Variants in SDR42E1 observed in about 807,000 individuals in gnomAD.
The protein encoded by SDR42E1 is short-chain dehydrogenase/reductase family 42E member 1.
Under a neutral mutation model 2.6 loss-of-function variants are expected in SDR42E1, and 5 were observed. The observed-to-expected ratio is 1.94, with a 90% CI of 1.01 to 4.08. The LOEUF (loss-of-function observed/expected upper bound fraction) is 4.08. Among genes scored for constraint, SDR42E1 ranks in the 30% most tolerant of loss-of-function variants. The pLI, the probability that SDR42E1 is intolerant of heterozygous loss-of-function variation, is 0.00. For missense variants in SDR42E1, 596 were observed against 478.6 expected (o/e 1.25, Z -2.29); for synonymous variants, 231 against 188.3 (o/e 1.23, Z -1.86).
rs1394922835 is a variant in SDR42E1 at position 81,999,999 on chromosome 16, G to T, written c.294C>A (p.Val98=). ...EQLNRNLIKE[V]NVRGTDNILQ... Reference sequence around the variant, plus strand: ...GGATGTTGTCTGTGCCCCTGACGTTGACTTCTTTGATCAGGTTTCGATTGA... The same window carrying T: ...GGATGTTGTCTGTGCCCCTGACGTTTACTTCTTTGATCAGGTTTCGATTGA... Residue 98 remains valine, a synonymous_variant, in exon 3 of 3, where the codon GTC becomes GTA. Transcript: ENST00000328945. 1 of 1,614,058 alleles carries T rather than the reference G, an allele frequency of 6.2e-7. No homozygotes were observed. Among genetic ancestry groups the T allele is most frequent in the Admixed American group, 1.7e-5 (1 of 59,998 alleles).
Position 81,992,013 on chromosome 16 carries a change from G to C in SDR42E1, c.*7098C>G, listed in dbSNP as rs559799607. The stretch of plus-strand genomic sequence containing the variant: ...ACCGCTAATTAAACAAAAATTAGCC[G>C]GTTGTGGTGGTGGGCGCCTGTAATC... On this transcript the variant is annotated 3_prime_UTR_variant, in exon 3 of 3. Transcript: ENST00000328945. 1.3e-5 allele frequency: 2 copies of C among 152,098 alleles called. No individual in the cohort carries two copies. Among genetic ancestry groups the C allele is most frequent in the African/African-American group, 2.4e-5 (1 of 41,396 alleles). The allele number at this position is 152,098 out of a possible 1,614,324, so 9.4% of individuals were successfully genotyped here. A position where few individuals can be genotyped will look rare whatever the true frequency, so the allele number is the denominator to read the frequency against.
rs1912693178 is a variant in SDR42E1 at position 81,999,959 on chromosome 16, T to A, written c.334A>T (p.Arg112Trp). ...GTDNILQVCQ[R>W]RRVPRLVYTS... The stretch of plus-strand genomic sequence containing the variant: ...TAAACTAACCTGGGCACCCTTCTCC[T>A]TTGGCAAACCTGGAGGATGTTGTCT... The change falls in exon 3 of 3, where the codon AGG (arginine) becomes TGG (tryptophan). Residue 112 changes from arginine to tryptophan, a missense_variant. By Grantham distance (101) the Arg-to-Trp change is moderately radical. Coordinates refer to ENST00000328945, the MANE Select transcript of SDR42E1 (RefSeq NM_145168.3). The A allele has an allele frequency of 6.2e-7, 1 of 1,614,110 alleles. No individual in the cohort carries two copies. Among genetic ancestry groups the A allele is most frequent in the Admixed American group, 1.7e-5 (1 of 60,002 alleles).
Position 81,989,600 on chromosome 16 carries a change from G to C in SDR42E1, c.*9511C>G, listed in dbSNP as rs1318109545. On this transcript the variant is annotated 3_prime_UTR_variant, in exon 3 of 3. Transcript: ENST00000328945. The stretch of plus-strand genomic sequence containing the variant: ...GGGTGTTTATAGACATCAAAATTTA[G>C]AGCAGAGAGGCATAGATGCCTACTT... 1 of 152,170 alleles carries C rather than the reference G, an allele frequency of 6.6e-6. No individual in the cohort carries two copies. The highest frequency in any genetic ancestry group is 2.4e-5 in the African/African-American group (1 of 41,428). The allele number at this position is 152,170 out of a possible 1,614,324, so 9.4% of individuals were successfully genotyped here.
intron 1 of SDR42E1, among the ~76,000 whole-genome samples, chr16:82,004,421 A>G (rs930159037): frequency 2.0e-5 from 3 of 152,198 alleles, no homozygotes; most frequent in Non-Finnish European, 1.5e-5. Flanking sequence ...TGAAGCATGG[A>G]GCTGATGCTT....
In SDR42E1 at chr16:81,999,943, C is replaced by T. The variant is rs1264379303; in HGVS notation, c.350G>A (p.Arg117Lys). The T allele has an allele frequency of 3.7e-6, 6 of 1,614,086 alleles. No individual in the cohort carries two copies. The highest frequency in any genetic ancestry group is 4.2e-6 in the Non-Finnish European group (5 of 1,180,040). Reference sequence around the variant, plus strand: ...ATTGAAAGTGCTGGTGTAAACTAACCTGGGCACCCTTCTCCTTTGGCAAAC... The same window carrying T: ...ATTGAAAGTGCTGGTGTAAACTAACTTGGGCACCCTTCTCCTTTGGCAAAC... ...LQVCQRRRVPRLVYTSTFNVI... is the reference protein window; with the variant it reads ...LQVCQRRRVPKLVYTSTFNVI... Residue 117 changes from arginine (R) to lysine (K), a missense_variant, in exon 3 of 3, where the codon AGG (arginine) becomes AAG (lysine). Physicochemically the swap from Arg to Lys is conservative, Grantham distance 26 (BLOSUM62 2). Coordinates refer to ENST00000328945, the MANE Select transcript of SDR42E1 (RefSeq NM_145168.3).
chr16:81,999,567 G>C lies in SDR42E1; in HGVS notation c.726C>G (p.Asp242Glu). The C allele has an allele frequency of 1.2e-6, 2 of 1,614,152 alleles. No homozygotes were observed. Among genetic ancestry groups the C allele is most frequent in the Non-Finnish European group, 1.7e-6 (2 of 1,180,034 alleles). ...GCTGCCCAGAGGCAATATGGCCCTT[G>C]TCAGCTCTCAGGGCTTCTGAGGCCA... ...HILASEALRA[D>E]KGHIASGQPY... The change falls in exon 3 of 3, where the codon GAC becomes GAG. Residue 242 changes from aspartate to glutamate, a missense_variant. Physicochemically the swap from Asp to Glu is conservative, Grantham distance 45. Transcript: ENST00000328945.
chr16:82,009,521 G>A (rs1307953819), intron 1 of SDR42E1, among the ~76,000 whole-genome samples: 3 of 152,328 alleles, frequency 2.0e-5, no homozygotes, highest in East Asian at 1.9e-4. Flanking sequence ...TGACTGCCCC[G>A]CTGGATTTTA....
At chr16:82,006,798 A>T (rs1007678252) in intron 1 of SDR42E1, among the ~76,000 whole-genome samples, 2 of 151,908 alleles carry the variant, frequency 1.3e-5, no homozygotes, top group African/African-American at 2.4e-5. Context: ...CATCTCAAAA[A>T]AAACAAAAAA....
At chr16:82,010,143 G>T (rs1267401876) in intron 1 of SDR42E1, among the ~76,000 whole-genome samples, 1 of 152,238 alleles carries the variant, frequency 6.6e-6, no homozygotes, top group Non-Finnish European at 1.5e-5. Flanking sequence ...AAATTACCCA[G>T]TCTTGGGTAT....
chr16:81,999,754 GTTC>G lies in SDR42E1; in HGVS notation c.536_538del (p.Arg179del). The stretch of plus-strand genomic sequence containing the variant: ...GATGCCAGCTGGCCTCAGAGCGCAG[GTTC>G]TTAAGACACCGTCGCCTCTGTCCAG... On this transcript the variant is annotated inframe_deletion, in exon 3 of 3. Transcript: ENST00000328945. 1 of 1,614,200 alleles carries G rather than the reference GTTC, an allele frequency of 6.2e-7. No homozygotes were observed. Among genetic ancestry groups the G allele is most frequent in the Admixed American group, 1.7e-5 (1 of 60,028 alleles).
At position 81,996,589 on chromosome 16, in the gene SDR42E1, G is replaced by C. The variant is rs1912546758; in HGVS notation, c.*2522C>G. On this transcript the variant is annotated 3_prime_UTR_variant, in exon 3 of 3. Transcript: ENST00000328945. ...TGCAGAAGTACTTAGATATGAGTCT[G>C]GAGCCCAGGAGTGGTCTGGAACTGT... The C allele has an allele frequency of 6.6e-6, 1 of 152,168 alleles. No homozygotes were observed. The highest frequency in any genetic ancestry group is 1.5e-5 in the Non-Finnish European group (1 of 68,042). 9.4% of individuals were successfully genotyped at this position (152,168 alleles called of 1,614,324 possible).
At chr16:82,005,320 C>T (rs1460100804) in intron 1 of SDR42E1, among the ~76,000 whole-genome samples, 2 of 152,188 alleles carry the variant, frequency 1.3e-5, no homozygotes, top group Non-Finnish European at 2.9e-5. Context: ...ACTTGTATAA[C>T]TGACCTGATC....
Position 81,997,388 on chromosome 16 carries a change from C to T in SDR42E1, c.*1723G>A, listed in dbSNP as rs1219528883. 6.6e-6 allele frequency: 1 copy of T among 152,132 alleles called. No homozygotes were observed. The highest frequency in any genetic ancestry group is 2.4e-5 in the African/African-American group (1 of 41,430). 9.4% of individuals were successfully genotyped at this position (152,132 alleles called of 1,614,324 possible). A position where few individuals can be genotyped will look rare whatever the true frequency, so the allele number is the denominator to read the frequency against. On this transcript the variant is annotated 3_prime_UTR_variant, in exon 3 of 3. Transcript: ENST00000328945. Reference sequence around the variant, plus strand: ...GGAAATACCTTTGTGTATTTCCTTCCCCTACTGAATAGGATTGACCTGCAT... The same window carrying T: ...GGAAATACCTTTGTGTATTTCCTTCTCCTACTGAATAGGATTGACCTGCAT...
intron 1 of SDR42E1, among the ~76,000 whole-genome samples, chr16:82,001,172 C>T (rs937208589): frequency 6.6e-6 from 1 of 152,222 alleles, no homozygotes; most frequent in East Asian, 1.9e-4. Flanking sequence ...CCACAAAAAA[C>T]GTTTCGAACA....
chr16:81,992,404 C>G lies in SDR42E1; in HGVS notation c.*6707G>C, dbSNP rs1660287841. On this transcript the variant is annotated 3_prime_UTR_variant, in exon 3 of 3. Coordinates refer to ENST00000328945, the MANE Select transcript of SDR42E1 (RefSeq NM_145168.3). ...ATGTGCAAATAATTCCCCTTAAAAC[C>G]TGGGCAACATTTCAGACTTATTATT... The G allele has an allele frequency of 6.6e-6, 1 of 152,080 alleles. No homozygotes were observed. The highest frequency in any genetic ancestry group is 1.5e-5 in the Non-Finnish European group (1 of 68,034). The allele number at this position is 152,080 out of a possible 1,614,324, so 9.4% of individuals were successfully genotyped here. A position where few individuals can be genotyped will look rare whatever the true frequency, so the allele number is the denominator to read the frequency against.
At position 81,996,886 on chromosome 16, in the gene SDR42E1, C is replaced by A. The variant is rs570371405; in HGVS notation, c.*2225G>T. The A allele has an allele frequency of 3.3e-5, 5 of 152,190 alleles. No homozygotes were observed. In the South Asian group the frequency reaches 1.0e-3, roughly 32 times the overall value. 9.4% of individuals were successfully genotyped at this position (152,190 alleles called of 1,614,324 possible). Reference sequence around the variant, plus strand: ...CTCCTCCCACACTGAATACGGCTAACCTGTGTAAACACCCGAGACTGTGGA... The same window carrying A: ...CTCCTCCCACACTGAATACGGCTAAACTGTGTAAACACCCGAGACTGTGGA... On this transcript the variant is annotated 3_prime_UTR_variant, in exon 3 of 3. Coordinates refer to ENST00000328945, the MANE Select transcript of SDR42E1 (RefSeq NM_145168.3).
intron 1 of SDR42E1, among the ~76,000 whole-genome samples, chr16:82,010,379 T>A (rs1417564081): frequency 6.6e-6 from 1 of 152,184 alleles, no homozygotes; most frequent in African/African-American, 2.4e-5. Flanking sequence ...AACCACTACA[T>A]GTAATGCCGC....
intron 1 of SDR42E1, among the ~76,000 whole-genome samples, chr16:82,009,843 C>G (rs1015068594): frequency 3.9e-5 from 6 of 152,204 alleles, no homozygotes; most frequent in African/African-American, 1.4e-4. Flanking sequence ...TGTCTCCACC[C>G]AAATCTCACC....
chr16:82,000,401 G>C (rs1177308525), intron 2 of SDR42E1, 177 bp from the exon 3 acceptor site: 1 of 783,516 alleles, frequency 1.3e-6, no homozygotes, highest in African/African-American at 1.7e-5. Context: ...TTTCAAAAGT[G>C]AGAATCCTCT....
Sources: allele counts gnomAD v4.1 joint callset (sites outside exome capture counted in the v4.1 genomes callset), GRCh38; gene constraint gnomAD v4.1.1; transcripts MANE v1.5; gene names NCBI Gene and HGNC (gene_info 2026-07-23, HGNC 2026-07-21).